Variants in ARID4A observed in about 807,000 individuals in gnomAD.
ARID4A encodes the protein AT-rich interaction domain 4A, also known as AT-rich interactive domain-containing protein 4A.
ARID4A carries 39 observed loss-of-function variants against 148.6 expected under a neutral mutation model. The observed-to-expected ratio is 0.26, with a 90% CI of 0.20 to 0.34. The LOEUF (loss-of-function observed/expected upper bound fraction) is 0.34. Among genes scored for constraint, ARID4A ranks in the 10% least tolerant of loss-of-function variants. ARID4A has a pLI of 1.00. For missense variants in ARID4A, 1,265 were observed against 1,449.1 expected (o/e 0.87, Z 2.06); for synonymous variants, 475 against 481.2 (o/e 0.99, Z 0.17).
intron 2 of ARID4A, 144 bp downstream of exon 2, chr14:58,300,004 T>G (rs975783331): frequency 5.1e-6 from 6 of 1,187,304 alleles, no homozygotes; most frequent in South Asian, 1.3e-5. Context: ...ATGTGTTGAA[T>G]GGGTGAAAAA....
At chr14:58,336,890 CT>C (rs1406769448) in intron 11 of ARID4A, among the ~76,000 whole-genome samples, 1 of 150,868 alleles carries the variant, frequency 6.6e-6, no homozygotes, top group Non-Finnish European at 1.5e-5. Context: ...TTTCTTTTTT[CT>C]TTTCTTTTTT....
In ARID4A at chr14:58,366,093, T is replaced by A. The variant is rs1419714762; in HGVS notation, c.3386T>A (p.Leu1129His). The A allele has an allele frequency of 6.2e-7, 1 of 1,613,898 alleles. No homozygotes were observed. Among genetic ancestry groups the A allele is most frequent in the South Asian group, 1.1e-5 (1 of 91,084 alleles). ...NSSKCTPVKH[L>H]NVSKPQKLAR... ...AGTAAATGTACCCCAGTAAAGCATC[T>A]TAATGTATCTAAGCCACAGAAACTT... Residue 1129 changes from leucine (L) to histidine (H), a missense_variant, in exon 22 of 24, where the codon CTT (leucine) becomes CAT (histidine). Leu to His is a moderately conservative substitution (Grantham distance 99, BLOSUM62 -3). Around this residue, in one of 9 missense-constraint regions of ARID4A, gnomAD observed 666 missense variants for 730.9 expected, o/e 0.91. Transcript: ENST00000355431.
At chr14:58,346,115 C>T (rs1398149577) in intron 12 of ARID4A, among the ~76,000 whole-genome samples, 1 of 151,374 alleles carries the variant, frequency 6.6e-6, no homozygotes, top group Non-Finnish European at 1.5e-5. Context: ...AATTCATTGG[C>T]AGTTAAAGAG....
At chr14:58,303,069 T>G (rs1193185051) in intron 3 of ARID4A, among the ~76,000 whole-genome samples, 1 of 152,210 alleles carries the variant, frequency 6.6e-6, no homozygotes, top group Non-Finnish European at 1.5e-5. Context: ...TCTTCGTTAC[T>G]TTATACTTAG....
At chr14:58,304,738 C>T (rs559230392) in intron 3 of ARID4A, among the ~76,000 whole-genome samples, 55 of 152,144 alleles carry the variant, frequency 3.6e-4, no homozygotes, top group Admixed American at 7.9e-4. Flanking sequence ...TTGACACTTG[C>T]TAACTGTTGG....
intron 16 of ARID4A, among the ~76,000 whole-genome samples, chr14:58,352,483 A>G (rs1197719294): frequency 6.6e-6 from 1 of 152,234 alleles, no homozygotes; most frequent in East Asian, 1.9e-4. Context: ...ACATCTATGT[A>G]AAATGTGATT....
chr14:58,326,278 A>C (rs938845622), intron 8 of ARID4A, among the ~76,000 whole-genome samples: 2 of 152,162 alleles, frequency 1.3e-5, no homozygotes, highest in African/African-American at 4.8e-5. Context: ...GCTACTAAAA[A>C]CACAAAAAAT....
chr14:58,336,404 A>G (rs746738574), intron 11 of ARID4A, among the ~76,000 whole-genome samples: 51 of 152,298 alleles, frequency 3.3e-4, no homozygotes, highest in Non-Finnish European at 5.4e-4. Flanking sequence ...TTGATAACCT[A>G]TGTAGTCATT....
chr14:58,325,258 G>C (rs2033147707), intron 8 of ARID4A, among the ~76,000 whole-genome samples: 1 of 151,996 alleles, frequency 6.6e-6, no homozygotes, highest in Non-Finnish European at 1.5e-5. Context: ...TTCTTTGCAA[G>C]GTTTCTCTTA....
At chr14:58,321,059 T>C (rs1224862125) in intron 7 of ARID4A, among the ~76,000 whole-genome samples, 1 of 152,230 alleles carries the variant, frequency 6.6e-6, no homozygotes, top group Non-Finnish European at 1.5e-5. Context: ...AGAAGTATTA[T>C]CAGTTTGTCC....
At chr14:58,369,849 T>C (rs2035527430) in intron 23 of ARID4A, among the ~76,000 whole-genome samples, 1 of 152,072 alleles carries the variant, frequency 6.6e-6, no homozygotes, top group South Asian at 2.1e-4. Context: ...GGATGACCAC[T>C]GCATAGCAGA....
chr14:58,365,489 T>TTTTAA, intron 20 of ARID4A, 29 bp from the exon 21 acceptor site: 14 of 985,664 alleles, frequency 1.4e-5, no homozygotes, highest in Non-Finnish European at 1.9e-5. Flanking sequence ...TTTTTTTTTT[T>TTTTAA]CAACATTCTC....
rs1188792197 is a variant in ARID4A at position 58,372,559 on chromosome 14, G to GT, written c.*571dup. On this transcript the variant is annotated 3_prime_UTR_variant, in exon 24 of 24. Transcript: ENST00000355431. Reference sequence around the variant, plus strand: ...GACAAAATAAATTGTGAAAGGAAGTGTAGTTGACTGAAAACTACAGTTGTA... The same window carrying GT: ...GACAAAATAAATTGTGAAAGGAAGTGTTAGTTGACTGAAAACTACAGTTGTA... 1 of 210,360 alleles carries GT rather than the reference G, an allele frequency of 4.8e-6. No homozygotes were observed. Among genetic ancestry groups the GT allele is most frequent in the African/African-American group, 2.3e-5 (1 of 44,120 alleles). The allele number at this position is 210,360 out of a possible 1,614,324, so 13.0% of individuals were successfully genotyped here. A position where few individuals can be genotyped will look rare whatever the true frequency, so the allele number is the denominator to read the frequency against.
chr14:58,359,102 A>G, intron 17 of ARID4A, 30 bp from the exon 18 acceptor site: 1 of 1,494,010 alleles, frequency 6.7e-7, no homozygotes, highest in Non-Finnish European at 9.1e-7. Context: ...AAGTTTGTAC[A>G]AACTCTTTTT....
intron 7 of ARID4A, among the ~76,000 whole-genome samples, 173 bp downstream of exon 7, chr14:58,318,978 C>T (rs1008852530): frequency 3.3e-5 from 5 of 152,070 alleles, no homozygotes; most frequent in Non-Finnish European, 7.4e-5. Context: ...CAATATTTGC[C>T]CAGGAATGAT....
intron 14 of ARID4A, among the ~76,000 whole-genome samples, chr14:58,347,354 G>A (rs537000007): frequency 6.6e-6 from 1 of 152,186 alleles, no homozygotes; most frequent in East Asian, 1.9e-4. Flanking sequence ...TAGTGTCTGC[G>A]ATTATGATAC....
chr14:58,364,438 GA>G lies in ARID4A; in HGVS notation c.2352del (p.Glu785LysfsTer20). The part of the protein sequence containing the change: ...NKMEKTEEVK[K>X]EAEKSPKGKG... ...AAATGGAAAAAACAGAAGAAGTTAA[GA>G]AAGAAGCCGAAAAATCTCCAAAAGG... On this transcript the variant is annotated frameshift_variant, in exon 20 of 24. Transcript: ENST00000355431. LOFTEE classifies it high-confidence loss of function. 1 of 1,613,066 alleles carries G rather than the reference GA, an allele frequency of 6.2e-7. No individual in the cohort carries two copies. Among genetic ancestry groups the G allele is most frequent in the Non-Finnish European group, 8.5e-7 (1 of 1,179,782 alleles).
chr14:58,357,753 TCTTTA>T (rs2034951078), intron 17 of ARID4A, among the ~76,000 whole-genome samples: 1 of 152,186 alleles, frequency 6.6e-6, no homozygotes, highest in Admixed American at 6.5e-5. Flanking sequence ...GCCTGTTGTT[TCTTTA>T]CTTAACTGTA....
At position 58,311,224 on chromosome 14, in the gene ARID4A, C is replaced by T. The variant is rs558411560; in HGVS notation, c.274+5112C>T. ...TCATGCCACTGCACTCCAGCCTGGG[C>T]GACAGAGCAAGACTCCAATCTAAAA... On this transcript the variant is annotated intron_variant, in intron 5 of 23. Coordinates refer to ENST00000355431, the MANE Select transcript of ARID4A (RefSeq NM_002892.4). 1.5e-4 allele frequency among the ~76,000 whole-genome samples: 23 copies of T among 151,952 alleles called. No homozygotes were observed. The East Asian group carries it at 1.9e-3, about 13-fold the overall frequency.
Sources: allele counts gnomAD v4.1 joint callset (sites outside exome capture counted in the v4.1 genomes callset), GRCh38; gene constraint gnomAD v4.1.1; regional missense constraint gnomAD v4.1.1; transcripts MANE v1.5; gene names NCBI Gene and HGNC (gene_info 2026-07-23, HGNC 2026-07-21).